Variants in PIEZO2 observed in about 807,000 individuals in gnomAD.
PIEZO2 encodes piezo-type mechanosensitive ion channel component 2.
A neutral mutation model predicts 337.3 loss-of-function variants in PIEZO2; 172 were observed. That is an observed-to-expected ratio of 0.51 (90% confidence interval 0.45 to 0.58). PIEZO2 has a LOEUF of 0.58. Ranked by LOEUF, PIEZO2 falls within the 20% of genes least tolerant of loss-of-function variation. PIEZO2 has a pLI of 0.00. For missense variants in PIEZO2, 3,028 were observed against 3,391.3 expected, an observed-to-expected ratio of 0.89 and a Z score of 2.66; for synonymous variants, 1,251 against 1,228.5, an observed-to-expected ratio of 1.02 and a Z score of -0.38.
chr18:10,715,102 A>G lies in PIEZO2; in HGVS notation c.5257-172T>C, dbSNP rs79096028. Among the ~76,000 whole-genome samples, 5,996 of 152,368 alleles carry G rather than the reference A, an allele frequency of 0.039. 198 individuals carry two copies. Among genetic ancestry groups the G allele is most frequent in the Admixed American group, 0.1 (1,531 of 15,306 alleles). On this transcript the variant is annotated intron_variant, in intron 38 of 55. Coordinates refer to ENST00000674853, the MANE Select transcript of PIEZO2 (RefSeq NM_001378183.1). ...ACTCATTTCATAAGTGGTTTCCAAC[A>G]TTACTAGGTAGATCTAAGTAAATGT...
chr18:10,836,810 C>A (rs1049851552), intron 7 of PIEZO2, among the ~76,000 whole-genome samples: 1 of 152,182 alleles, frequency 6.6e-6, no homozygotes, highest in Non-Finnish European at 1.5e-5. Context: ...TGAACTGGAT[C>A]TCTTAAGGGG....
chr18:10,990,623 T>C (rs189911959), intron 2 of PIEZO2, among the ~76,000 whole-genome samples: 3 of 152,022 alleles, frequency 2.0e-5, no homozygotes, highest in African/African-American at 7.2e-5. Flanking sequence ...TAGATTTATA[T>C]GTTTATAAAT....
Position 11,078,989 on chromosome 18 carries a change from G to A in PIEZO2, c.65-12767C>T, listed in dbSNP as rs968007122. ...ACAGCGTCATACCTTAGAAAGTTACGGTAGTTAAAAAATTGCTGGTGGCAT... is the reference window on the plus strand; with the variant it reads ...ACAGCGTCATACCTTAGAAAGTTACAGTAGTTAAAAAATTGCTGGTGGCAT... On this transcript the variant is annotated intron_variant, in intron 1 of 55. Coordinates refer to ENST00000674853, the MANE Select transcript of PIEZO2 (RefSeq NM_001378183.1). The surrounding 1 kb of genome is among the most constrained non-coding windows in gnomAD (Gnocchi z 5.3). Among the ~76,000 whole-genome samples the A allele has an allele frequency of 2.6e-5, 4 of 152,108 alleles. No homozygotes were observed. Among genetic ancestry groups the A allele is most frequent in the South Asian group, 2.1e-4 (1 of 4,818 alleles).
intron 42 of PIEZO2, 123 bp from the exon 43 acceptor site, chr18:10,702,294 C>T (rs1220036149): frequency 2.2e-6 from 2 of 898,448 alleles, no homozygotes; most frequent in Non-Finnish European, 3.3e-6. Flanking sequence ...TGATGGTAGG[C>T]AGGCACATAA....
At position 10,761,004 on chromosome 18, in the gene PIEZO2, G is replaced by C. The variant is rs1231374378; in HGVS notation, c.3357C>G (p.Ile1119Met). Residue 1119 changes from isoleucine (I) to methionine (M), a missense_variant, in exon 24 of 56, where the codon ATC becomes ATG. Around this residue, in one of 5 missense-constraint regions of PIEZO2, gnomAD observed 1,925 missense variants for 2,051.9 expected, o/e 0.94. Coordinates refer to ENST00000674853, the MANE Select transcript of PIEZO2 (RefSeq NM_001378183.1). ...NNLTAPVSRT[I>M]FHDITRLHLD... ...GATGTAGTCTTGTAATGTCATGAAAGATAGTTCTAGACACAGGGGCCGTCA... is the reference window on the plus strand; with the variant it reads ...GATGTAGTCTTGTAATGTCATGAAACATAGTTCTAGACACAGGGGCCGTCA... The C allele has an allele frequency of 1.3e-6, 2 of 1,533,998 alleles. No individual in the cohort carries two copies. Among genetic ancestry groups the C allele is most frequent in the Admixed American group, 3.9e-5 (2 of 51,002 alleles).
rs1372803202 is a variant in PIEZO2 at position 10,807,275 on chromosome 18, C to T, written c.918-1G>A. The T allele has an allele frequency of 1.3e-6, 2 of 1,532,728 alleles. No homozygotes were observed. Among genetic ancestry groups the T allele is most frequent in the East Asian group, 2.4e-5 (1 of 40,844 alleles). 94.9% of individuals were successfully genotyped at this position (1,532,728 alleles called of 1,614,324 possible). The stretch of plus-strand genomic sequence containing the variant: ...AATTACTGACTTGATACCAAACAAC[C>T]TGTTAAAAAACAAAGAAAAATGCTT... On this transcript the variant is annotated splice_acceptor_variant, in intron 7 of 55. Transcript: ENST00000674853. LOFTEE classifies it high-confidence loss of function.
At chr18:10,714,060 G>A (rs558713135) in intron 39 of PIEZO2, among the ~76,000 whole-genome samples, 9 of 152,260 alleles carry the variant, frequency 5.9e-5, no homozygotes, top group South Asian at 2.1e-4. Flanking sequence ...TTTGGATTGC[G>A]GGTCCGCTTT....
Position 10,705,041 on chromosome 18 carries a change from T to G in PIEZO2, c.5999+295A>C, listed in dbSNP as rs73399304. Among the ~76,000 whole-genome samples the G allele has an allele frequency of 0.014, 2,154 of 152,306 alleles. 62 individuals are homozygous for G. The highest frequency in any genetic ancestry group is 0.048 in the African/African-American group (1,991 of 41,564). ...TACTGATTTTCATTTAGCACCATCCTTCCTGCTGTGTTCCCGGCTTCCTGT... is the reference window on the plus strand; with the variant it reads ...TACTGATTTTCATTTAGCACCATCCGTCCTGCTGTGTTCCCGGCTTCCTGT... On this transcript the variant is annotated intron_variant, in intron 41 of 55. Transcript: ENST00000674853.
intron 3 of PIEZO2, among the ~76,000 whole-genome samples, chr18:10,976,281 A>G (rs2034437694): frequency 6.6e-6 from 1 of 152,212 alleles, no homozygotes; most frequent in African/African-American, 2.4e-5. Context: ...TTAATTTTAA[A>G]TGCTACACAT....
At chr18:10,944,062 G>C (rs187158189) in intron 3 of PIEZO2, among the ~76,000 whole-genome samples, 191 of 152,264 alleles carry the variant, frequency 1.3e-3, no homozygotes, top group African/African-American at 4.4e-3. Context: ...AAATTGTCTA[G>C]TCTCAGGAAT....
At chr18:10,918,734 A>G (rs1361472138) in intron 3 of PIEZO2, among the ~76,000 whole-genome samples, 4 of 152,060 alleles carry the variant, frequency 2.6e-5, no homozygotes, top group Non-Finnish European at 5.9e-5. Context: ...TCTATTTCGA[A>G]TCCTGCTTTA....
chr18:11,117,058 G>A (rs968692295), intron 1 of PIEZO2, among the ~76,000 whole-genome samples: 8 of 152,070 alleles, frequency 5.3e-5, no homozygotes, highest in South Asian at 2.1e-4. Context: ...GCAGTGAGCC[G>A]AGACTCCACT....
intron 3 of PIEZO2, among the ~76,000 whole-genome samples, chr18:10,914,330 G>A (rs1413614652): frequency 6.6e-6 from 1 of 151,806 alleles, no homozygotes; most frequent in Admixed American, 6.6e-5. Context: ...TATATAGCAT[G>A]GAGAATGGAT....
At chr18:11,050,294 T>A (rs1029364635) in intron 2 of PIEZO2, among the ~76,000 whole-genome samples, 2 of 152,140 alleles carry the variant, frequency 1.3e-5, no homozygotes, top group African/African-American at 2.4e-5. Context: ...AACATAATAA[T>A]AATAATAAGC....
intron 36 of PIEZO2, chr18:10,725,473 GTA>G (rs1465742322): frequency 2.6e-6 from 4 of 1,536,900 alleles, no homozygotes; most frequent in Non-Finnish European, 3.6e-6. Flanking sequence ...CAGGGTGTGG[GTA>G]TCCGGGTGGA....
intron 2 of PIEZO2, among the ~76,000 whole-genome samples, chr18:11,000,032 CAT>C (rs1039447938): frequency 6.6e-6 from 1 of 152,164 alleles, no homozygotes; most frequent in Middle Eastern, 3.2e-3. Context: ...AGAAGGAACA[CAT>C]GTCTACTTTC....
chr18:10,935,192 C>G (rs906433573), intron 3 of PIEZO2, among the ~76,000 whole-genome samples: 1 of 152,138 alleles, frequency 6.6e-6, no homozygotes, highest in Non-Finnish European at 1.5e-5. Context: ...TCCTGGTTTT[C>G]TTCTTGGGGA....
At chr18:11,087,326 C>T (rs2038945687) in intron 1 of PIEZO2, among the ~76,000 whole-genome samples, 1 of 152,192 alleles carries the variant, frequency 6.6e-6, no homozygotes, top group Non-Finnish European at 1.5e-5. Flanking sequence ...ATTTTCATCC[C>T]TGCACACTGT....
At chr18:10,804,276 A>G (rs375206233) in intron 8 of PIEZO2, among the ~76,000 whole-genome samples, 1 of 152,318 alleles carries the variant, frequency 6.6e-6, no homozygotes, top group South Asian at 2.1e-4. Context: ...TGCATTCTCA[A>G]CTGCACTCAA....
Sources: gnomAD v4.1 joint callset for allele counts (sites outside exome capture counted in the v4.1 genomes callset) on GRCh38, gnomAD v4.1.1 for gene constraint, gnomAD v4.1.1 regional missense constraint, Gnocchi (gnomAD v3.1) non-coding constraint, MANE v1.5 for transcripts, NCBI Gene and HGNC (gene_info 2026-07-23, HGNC 2026-07-21) for gene names.